Variants in TTN observed in about 807,000 individuals in gnomAD.
The protein encoded by TTN is connectin.
In TTN, 1,525 loss-of-function variants were observed where a neutral mutation model predicts 3,223.0. The ratio of observed to expected loss-of-function variants is 0.47; its 90% CI spans 0.45 to 0.49. TTN has a LOEUF of 0.49. TTN is among the 20% of genes least tolerant of loss of function. TTN has a pLI of 0.00. For synonymous variants in TTN, 14,094 were observed against 15,161.0 expected (o/e 0.93, Z 5.17); for missense variants, 40,786 against 43,424.0 (o/e 0.94, Z 5.40).
At chr2:178,605,324 A>C in intron 279 of TTN, 29 bp from the exon 280 acceptor site, 1 of 1,540,176 alleles carries the variant, frequency 6.5e-7, no homozygotes, top group South Asian at 1.3e-5. Flanking sequence ...GAAAAACAGT[A>C]ACAAAGTCAT....
At position 178,530,327 on chromosome 2, in the gene TTN, T is replaced by C. The variant is rs1225799039; in HGVS notation, c.106288A>G (p.Thr35430Ala). The C allele has an allele frequency of 6.2e-7, 1 of 1,613,838 alleles. No individual in the cohort carries two copies. Among genetic ancestry groups the C allele is most frequent in the Non-Finnish European group, 8.5e-7 (1 of 1,179,882 alleles). ...PVIVTGLQDT[T>A]VSSDSVAKFA... ...TTAGCAACACTGTCTGAAGAAACAGTTGTATCCTGCAACCCAGTAACAATT... is the reference window on the plus strand; with the variant it reads ...TTAGCAACACTGTCTGAAGAAACAGCTGTATCCTGCAACCCAGTAACAATT... Residue 35430 changes from threonine to alanine, a missense_variant, in exon 358 of 363, where the codon ACT (threonine) becomes GCT (alanine). Coordinates refer to ENST00000589042, the MANE Select transcript of TTN (RefSeq NM_001267550.2).
Position 178,580,058 on chromosome 2 carries a change from T to G in TTN, c.67229A>C (p.Lys22410Thr), listed in dbSNP as rs1559493839. The G allele has an allele frequency of 6.2e-7, 1 of 1,613,376 alleles. No homozygotes were observed. Among genetic ancestry groups the G allele is most frequent in the Admixed American group, 1.7e-5 (1 of 59,976 alleles). ...SWSTVTTECS[K>T]TSFRVANLEE... ...CAAATTAGCTACTCTGAAGCTTGTT[T>G]TGGAGCACTCAGTTGTCACTGTAGA... The change falls in exon 318 of 363, where the codon AAA (lysine) becomes ACA (threonine). Residue 22410 changes from lysine to threonine, a missense_variant. By Grantham distance (78) the Lys-to-Thr change is moderately conservative (BLOSUM62 -1). Transcript: ENST00000589042.
chr2:178,649,780 C>T, intron 211 of TTN, 37 bp downstream of exon 211: 2 of 1,596,584 alleles, frequency 1.3e-6, no homozygotes, highest in Non-Finnish European at 1.7e-6. Flanking sequence ...AAATTGTAGA[C>T]ACCACAAAAA....
At position 178,611,073 on chromosome 2, in the gene TTN, C is replaced by T. The variant is rs765642042; in HGVS notation, c.51056G>A (p.Arg17019His). ...SAHLEVPKSV[R>H]ADAGIYTITL... ...AATGGTATAAATTCCGGCATCTGCA[C>T]GGACACTCTTGGGAACTTCAAGGTG... Residue 17019 changes from arginine (R) to histidine (H), a missense_variant, in exon 270 of 363, where the codon CGT becomes CAT. By Grantham distance (29) the Arg-to-His change is conservative. Coordinates refer to ENST00000589042, the MANE Select transcript of TTN (RefSeq NM_001267550.2). 1.2e-5 allele frequency: 19 copies of T among 1,612,690 alleles called. No homozygotes were observed. Among genetic ancestry groups the T allele is most frequent in the Admixed American group, 3.3e-5 (2 of 59,940 alleles).
rs146000949 is a variant in TTN, at chr2:178,794,500, C to T, written c.1297G>A (p.Val433Ile). 3.9e-4 allele frequency: 632 copies of T among 1,614,186 alleles called. No homozygotes were observed. Among genetic ancestry groups the T allele is most frequent in the Non-Finnish European group, 4.7e-4 (551 of 1,180,004 alleles). The change falls in exon 8 of 363, where the codon GTT becomes ATT. Residue 433 changes from valine (V) to isoleucine (I), a missense_variant. Transcript: ENST00000589042. ...GGTTCTCTCACTCTGGCCATATCAA[C>T]GGCAGCAACAACAGTCGCAACAGCT... ...SAAVATVVAA[V>I]DMARVREPVI...
chr2:178,714,579 G>GA lies in TTN; in HGVS notation c.26201-7dup, dbSNP rs727503644. The GA allele has an allele frequency of 1.8e-5, 29 of 1,578,598 alleles. No homozygotes were observed. The highest frequency in any genetic ancestry group is 9.0e-5 in the East Asian group (4 of 44,400). On this transcript the variant is annotated splice_polypyrimidine_tract_variant and splice_region_variant and intron_variant, in intron 90 of 362. Transcript: ENST00000589042. ...CTTCACAAATCTTGGTGGTGCTGAT[G>GA]AAAAAGGAGGAAAGCCTGGGTTTTA...
chr2:178,773,072 A>T (rs1574608944), intron 33 of TTN, 37 bp downstream of exon 33: 1 of 1,611,376 alleles, frequency 6.2e-7, no homozygotes, highest in African/African-American at 1.3e-5. Context: ...AATAACAATC[A>T]CTCCTCGTAA....
Position 178,653,041 on chromosome 2 carries a change from C to A in TTN, c.38875G>T (p.Val12959Leu). 7 of 1,613,140 alleles carry A rather than the reference C, an allele frequency of 4.3e-6. No homozygotes were observed. The highest frequency in any genetic ancestry group is 5.1e-6 in the Non-Finnish European group (6 of 1,179,508). Reference sequence around the variant, plus strand: ...GAAGCCTAAAGCCAGTGACAAATACCTTTAACAGGTGGGACTTCAGGTTTT... The same window carrying A: ...GAAGCCTAAAGCCAGTGACAAATACATTTAACAGGTGGGACTTCAGGTTTT... The part of the protein sequence containing the change: ...PKKPEVPPVK[V>L]PEAPIEVVPE... The change falls in exon 199 of 363, where the codon GTG (valine) becomes TTG (leucine). Residue 12959 changes from valine to leucine, a missense_variant and splice_region_variant. Coordinates refer to ENST00000589042, the MANE Select transcript of TTN (RefSeq NM_001267550.2).
Position 178,740,063 on chromosome 2 carries a change from C to G in TTN, c.13170G>C (p.Glu4390Asp). 6.2e-7 allele frequency: 1 copy of G among 1,613,852 alleles called. No homozygotes were observed. The highest frequency in any genetic ancestry group is 8.5e-7 in the Non-Finnish European group (1 of 1,179,826). ...TTTGAATTTTCAGGTTTAATCTCTG[C>G]TCTTCTGGAATACCAGAAAGCAAGC... is the stretch of plus-strand genomic sequence containing the variant. ...KESLLSGIPE[E>D]QRLNLKIQIC... The change falls in exon 48 of 363, where the codon GAG becomes GAC. Residue 4390 changes from glutamate (E) to aspartate (D), a missense_variant. Transcript: ENST00000589042.
At chr2:178,616,300 C>T (rs766085645) in intron 257 of TTN, among the ~76,000 whole-genome samples, 179 bp downstream of exon 257, 2 of 151,676 alleles carry the variant, frequency 1.3e-5, no homozygotes, top group Non-Finnish European at 2.9e-5. Flanking sequence ...TTATACAATC[C>T]TTGGTTGAGC....
intron 6 of TTN, among the ~76,000 whole-genome samples, chr2:178,798,002 C>T (rs1423370709): frequency 6.6e-6 from 1 of 151,326 alleles, no homozygotes; most frequent in Non-Finnish European, 1.5e-5. Flanking sequence ...ATTAAAATAC[C>T]TCTCCCTCCC....
Position 178,712,600 on chromosome 2 carries a change from T to C in TTN, c.27329-7A>G. On this transcript the variant is annotated splice_region_variant and splice_polypyrimidine_tract_variant and intron_variant, in intron 94 of 362. Transcript: ENST00000589042. ...TTCACAAATTTGGCTGGGGCTAAAG[T>C]GACCAAATTGAAAATATAAAATCAA... The C allele has an allele frequency of 1.2e-6, 2 of 1,607,710 alleles. No individual in the cohort carries two copies. The highest frequency in any genetic ancestry group is 2.2e-5 in the South Asian group (2 of 90,494).
intron 1 of TTN, 80 bp from the exon 2 acceptor site, chr2:178,804,735 C>T (rs371820540): frequency 5.4e-6 from 7 of 1,293,904 alleles, no homozygotes; most frequent in Non-Finnish European, 7.7e-6. Context: ...CAGAGACACA[C>T]GTTTCTCCAA....
rs776022750 is a variant in TTN at position 178,583,878 on chromosome 2, A to G, written c.65304T>C (p.Asp21768=). The change falls in exon 312 of 363, where the codon GAT becomes GAC. Residue 21768 remains aspartate (D), a synonymous_variant. Coordinates refer to ENST00000589042, the MANE Select transcript of TTN (RefSeq NM_001267550.2). ...VDPPGKPEVI[D]VTKSTVSLIW... The stretch of plus-strand genomic sequence containing the variant: ...TCAGAGATACAGTACTCTTGGTGAC[A>G]TCAATAACCTCAGGTTTCCCAGGAG... 1 of 1,592,934 alleles carries G rather than the reference A, an allele frequency of 6.3e-7. No individual in the cohort carries two copies. Among genetic ancestry groups the G allele is most frequent in the South Asian group, 1.1e-5 (1 of 88,164 alleles).
chr2:178,601,032 A>G lies in TTN; in HGVS notation c.55872T>C (p.Thr18624=), dbSNP rs1300133313. The change falls in exon 288 of 363, where the codon ACT becomes ACC. Residue 18624 remains threonine (T), a synonymous_variant. Coordinates refer to ENST00000589042, the MANE Select transcript of TTN (RefSeq NM_001267550.2). Reference sequence around the variant, plus strand: ...GCCTCCAGGCTTCTTTCTTTGTCCCAGTAGGGTCCCATGCAAGGCACTCAA... The same window carrying G: ...GCCTCCAGGCTTCTTTCTTTGTCCCGGTAGGGTCCCATGCAAGGCACTCAA... ...YIVECLAWDP[T]GTKKEAWRQC... The G allele has an allele frequency of 1.2e-6, 2 of 1,612,978 alleles. No homozygotes were observed. Among genetic ancestry groups the G allele is most frequent in the South Asian group, 2.2e-5 (2 of 91,018 alleles).
At position 178,614,714 on chromosome 2, in the gene TTN, C is replaced by A; in HGVS notation, c.48800G>T (p.Gly16267Val). Reference sequence around the variant, plus strand: ...CTTGGTCCCAGCTTTTACAGTGAGACCAGCAAGGAGCTTCACATCGAGGAA... The same window carrying A: ...CTTGGTCCCAGCTTTTACAGTGAGAACAGCAAGGAGCTTCACATCGAGGAA... ...EIFLDVKLLA[G>V]LTVKAGTKIE... Residue 16267 changes from glycine (G) to valine (V), a missense_variant, in exon 261 of 363, where the codon GGT becomes GTT. Gly to Val is a moderately radical substitution (Grantham distance 109). Coordinates refer to ENST00000589042, the MANE Select transcript of TTN (RefSeq NM_001267550.2). 6.2e-7 allele frequency: 1 copy of A among 1,611,370 alleles called. No homozygotes were observed. The highest frequency in any genetic ancestry group is 8.5e-7 in the Non-Finnish European group (1 of 1,178,726).
rs752195064 is a variant in TTN, at chr2:178,576,600, C to T, written c.69644G>A (p.Ser23215Asn). Reference sequence around the variant, plus strand: ...ACCAATTCCTGCTCTGTTTTCTGCACTGACACGGAATTCGTAGGTGCTTCC... The same window carrying T: ...ACCAATTCCTGCTCTGTTTTCTGCATTGACACGGAATTCGTAGGTGCTTCC... ...QEGSTYEFRV[S>N]AENRAGIGPP... The change falls in exon 325 of 363, where the codon AGT becomes AAT. Residue 23215 changes from serine to asparagine, a missense_variant. By Grantham distance (46) the Ser-to-Asn change is conservative. Transcript: ENST00000589042. The surrounding 1 kb of genome is among the most constrained non-coding windows in gnomAD (Gnocchi z 4.3). The T allele has an allele frequency of 6.2e-6, 10 of 1,613,510 alleles. No homozygotes were observed.
chr2:178,743,595 A>C (rs1179618701), intron 47 of TTN, among the ~76,000 whole-genome samples: 1 of 151,976 alleles, frequency 6.6e-6, no homozygotes, highest in Non-Finnish European at 1.5e-5. Context: ...CCAGTAGGAC[A>C]TAAAAACATT....
rs2154132677 is a variant in TTN at position 178,530,365 on chromosome 2, G to A, written c.106250C>T (p.Ser35417Phe). 2 of 1,613,960 alleles carry A rather than the reference G, an allele frequency of 1.2e-6. No homozygotes were observed. Among genetic ancestry groups the A allele is most frequent in the Middle Eastern group, 1.6e-4 (1 of 6,062 alleles). The change falls in exon 358 of 363, where the codon TCC (serine) becomes TTC (phenylalanine). Residue 35417 changes from serine to phenylalanine, a missense_variant. By Grantham distance (155) the Ser-to-Phe change is radical. Transcript: ENST00000589042. ...KTEPKAPEPI[S>F]SKPVIVTGLQ... ...CCCAGTAACAATTACTGGTTTTGAG[G>A]AAATTGGTTCAGGAGCTTTTGGTTC...
Sources: gnomAD v4.1 joint callset for allele counts (sites outside exome capture counted in the v4.1 genomes callset) on GRCh38, gnomAD v4.1.1 for gene constraint, Gnocchi (gnomAD v3.1) non-coding constraint, MANE v1.5 for transcripts, NCBI Gene and HGNC (gene_info 2026-07-23, HGNC 2026-07-21) for gene names.